NAV2: variants seen among roughly 807,000 people sequenced by gnomAD.
NAV2 encodes the protein neuron navigator 2, also known as helicase, APC down-regulated 1.
NAV2 carries 54 observed loss-of-function variants against 223.2 expected under a neutral mutation model. The ratio of observed to expected loss-of-function variants is 0.24; its 90% CI spans 0.19 to 0.30. The LOEUF (loss-of-function observed/expected upper bound fraction) is 0.30, where lower values mean the gene tolerates loss of function less well. Ranked by LOEUF, NAV2 falls within the 10% of genes least tolerant of loss-of-function variation. The pLI is 1.00. For missense variants in NAV2, 2,806 were observed against 3,147.5 expected, an observed-to-expected ratio of 0.89 and a Z score of 2.60; for synonymous variants, 1,279 against 1,239.3, an observed-to-expected ratio of 1.03 and a Z score of -0.67.
chr11:19,869,125 A>T, intron 4 of NAV2, 128 bp downstream of exon 4: 1 of 887,770 alleles, frequency 1.1e-6, no homozygotes, highest in Non-Finnish European at 1.7e-6. Flanking sequence ...GTTTTCCTTT[A>T]TGTTGCTCAG....
At chr11:19,929,802 A>C (rs945262131) in intron 6 of NAV2, among the ~76,000 whole-genome samples, 27 of 152,192 alleles carry the variant, frequency 1.8e-4, no homozygotes, top group African/African-American at 4.6e-4. Context: ...AGGCTTTAGA[A>C]CACAAAGATG....
Position 19,894,306 on chromosome 11 carries a change from G to A in NAV2, c.931+1712G>A, listed in dbSNP as rs764513708. Reference sequence around the variant, plus strand: ...GTGGGAAACAAATGCTTGAAGCTTCGCCTGTTGAGGGCTGGTTGACTGGCA... The same window carrying A: ...GTGGGAAACAAATGCTTGAAGCTTCACCTGTTGAGGGCTGGTTGACTGGCA... On this transcript the variant is annotated intron_variant, in intron 6 of 37. Coordinates refer to ENST00000349880, the MANE Select transcript of NAV2 (RefSeq NM_145117.5). Among the ~76,000 whole-genome samples, 14 of 152,234 alleles carry A rather than the reference G, an allele frequency of 9.2e-5. No individual in the cohort carries two copies. The South Asian group carries it at 1.2e-3, about 14-fold the overall frequency.
chr11:19,445,531 A>G (rs1851552187), intron 1 of NAV2, among the ~76,000 whole-genome samples: 1 of 152,238 alleles, frequency 6.6e-6, no homozygotes, highest in Non-Finnish European at 1.5e-5. Flanking sequence ...GAATTATGCC[A>G]TATTCACATA....
At chr11:19,551,793 A>G (rs1488849089) in intron 1 of NAV2, among the ~76,000 whole-genome samples, 1 of 152,124 alleles carries the variant, frequency 6.6e-6, no homozygotes, top group Non-Finnish European at 1.5e-5. Flanking sequence ...GAGCATACCA[A>G]CTTCCAGAAT....
chr11:19,615,661 G>A (rs1347923109), intron 1 of NAV2, among the ~76,000 whole-genome samples: 2 of 152,118 alleles, frequency 1.3e-5, no homozygotes, highest in Admixed American at 1.3e-4. Context: ...GAGCCATAAT[G>A]AATCAGCTCT....
chr11:20,077,763 A>G, intron 23 of NAV2, 128 bp downstream of exon 23: 1 of 787,484 alleles, frequency 1.3e-6, no homozygotes, highest in Non-Finnish European at 2.1e-6. Flanking sequence ...GTTTAATTGT[A>G]AGGAGTCCAA....
At chr11:19,776,675 T>G (rs1035574953) in intron 1 of NAV2, among the ~76,000 whole-genome samples, 2 of 146,694 alleles carry the variant, frequency 1.4e-5, no homozygotes, top group Non-Finnish European at 3.0e-5. Context: ...TGTGTGTGTG[T>G]GGTTAGAGTT....
chr11:19,726,286 G>A (rs1363060201), intron 1 of NAV2, among the ~76,000 whole-genome samples: 1 of 152,192 alleles, frequency 6.6e-6, no homozygotes, highest in Non-Finnish European at 1.5e-5. Context: ...ATGGTGGCCT[G>A]TAGTTTTCAC....
At position 19,934,140 on chromosome 11, in the gene NAV2, C is replaced by A; in HGVS notation, c.1896C>A (p.Ser632Arg). The A allele has an allele frequency of 6.2e-7, 1 of 1,614,170 alleles. No homozygotes were observed. Among genetic ancestry groups the A allele is most frequent in the Non-Finnish European group, 8.5e-7 (1 of 1,180,032 alleles). Reference protein sequence around the residue: ...KGPGGTTLNHSISSQTVSGSV... With the variant: ...KGPGGTTLNHRISSQTVSGSV... The stretch of plus-strand genomic sequence containing the variant: ...CAGGAGGGACCACCCTGAACCACAG[C>A]ATCAGCAGCCAGACTGTCAGTGGGT... The change falls in exon 7 of 38, where the codon AGC (serine) becomes AGA (arginine). Residue 632 changes from serine to arginine, a missense_variant. Around this residue, in one of 4 missense-constraint regions of NAV2, gnomAD observed 1,167 missense variants for 1,180.5 expected, o/e 0.99. Coordinates refer to ENST00000349880, the MANE Select transcript of NAV2 (RefSeq NM_145117.5).
chr11:20,111,805 G>C, intron 36 of NAV2, among the ~76,000 whole-genome samples: 1 of 152,222 alleles, frequency 6.6e-6, no homozygotes, highest in Middle Eastern at 3.2e-3. Flanking sequence ...GTTTGGACTA[G>C]AAGAGTGTTT....
intron 1 of NAV2, among the ~76,000 whole-genome samples, chr11:19,774,026 C>G (rs1259096809): frequency 6.6e-6 from 1 of 152,212 alleles, no homozygotes; most frequent in Non-Finnish European, 1.5e-5. Context: ...TGTGAACACA[C>G]AGAACCTGCC....
chr11:19,691,326 C>G (rs1565171445), intron 1 of NAV2, among the ~76,000 whole-genome samples: 2 of 152,104 alleles, frequency 1.3e-5, no homozygotes, highest in Admixed American at 1.3e-4. Context: ...AAAATATTCC[C>G]ATTTCAACCT....
intron 1 of NAV2, among the ~76,000 whole-genome samples, chr11:19,433,605 C>G (rs1258784571): frequency 6.6e-6 from 1 of 152,222 alleles, no homozygotes; most frequent in Non-Finnish European, 1.5e-5. Context: ...CCCATCTGCT[C>G]AACTGAAAGG....
intron 20 of NAV2, among the ~76,000 whole-genome samples, chr11:20,066,899 A>C (rs944280001): frequency 2.0e-5 from 3 of 152,144 alleles, no homozygotes; most frequent in African/African-American, 7.2e-5. Context: ...GGTCAGGAAC[A>C]CTCAACATTT....
Position 19,575,615 on chromosome 11 carries a change from A to G in NAV2, c.75+224588A>G, listed in dbSNP as rs1354340232. Among the ~76,000 whole-genome samples the G allele has an allele frequency of 3.3e-5, 5 of 152,086 alleles. No homozygotes were observed. In the East Asian group the frequency reaches 9.7e-4, roughly 29 times the overall value. ...CCCCTATGCAAGTACCTCCTCAGAC[A>G]CCCCTGGGGAAATTCACCTTTTCTT... On this transcript the variant is annotated intron_variant, in intron 1 of 37. Coordinates refer to the NAV2 transcript ENST00000360655.
chr11:19,624,323 A>G (rs1033893460), intron 1 of NAV2, among the ~76,000 whole-genome samples: 4 of 152,146 alleles, frequency 2.6e-5, no homozygotes, highest in African/African-American at 9.7e-5. Flanking sequence ...AGTCTGCAGA[A>G]GTTTCTGCTG....
intron 1 of NAV2, among the ~76,000 whole-genome samples, chr11:19,482,850 GA>G (rs2042322981): frequency 6.6e-6 from 1 of 152,174 alleles, no homozygotes; most frequent in Admixed American, 6.5e-5. Context: ...CAGTGTGCTG[GA>G]GAGGTATGGG....
chr11:19,525,881 G>A (rs2043825824), intron 1 of NAV2, among the ~76,000 whole-genome samples: 1 of 152,048 alleles, frequency 6.6e-6, no homozygotes, highest in African/African-American at 2.4e-5. Context: ...GAGATTGGTA[G>A]TTCAGAAAAA....
chr11:19,811,014 G>A (rs1210158514), intron 1 of NAV2, among the ~76,000 whole-genome samples: 1 of 152,196 alleles, frequency 6.6e-6, no homozygotes, highest in Non-Finnish European at 1.5e-5. Flanking sequence ...AGGGTGCATT[G>A]TAGGTATTTA....
Sources: allele counts gnomAD v4.1 joint callset (sites outside exome capture counted in the v4.1 genomes callset), GRCh38; gene constraint gnomAD v4.1.1; regional missense constraint gnomAD v4.1.1; transcripts MANE v1.5; gene names NCBI Gene and HGNC (gene_info 2026-07-23, HGNC 2026-07-21).